Variants in LRRC4C observed in about 807,000 individuals in gnomAD.
LRRC4C encodes leucine rich repeat containing 4C, also known as leucine-rich repeat-containing protein 4C.
A neutral mutation model predicts 33.6 loss-of-function variants in LRRC4C; 5 were observed. The observed-to-expected ratio is 0.15, with a 90% CI of 0.08 to 0.31. LRRC4C has a LOEUF of 0.31. LRRC4C is among the 10% of genes least tolerant of loss of function. The pLI, the probability that LRRC4C is intolerant of heterozygous loss-of-function variation, is 1.00. For missense variants in LRRC4C, 560 were observed against 796.7 expected, an observed-to-expected ratio of 0.70 and a Z score of 3.58; for synonymous variants, 329 against 302.0, an observed-to-expected ratio of 1.09 and a Z score of -0.93.
At chr11:40,746,985 A>G (rs1304933524) in intron 2 of LRRC4C, among the ~76,000 whole-genome samples, 1 of 152,152 alleles carries the variant, frequency 6.6e-6, no homozygotes, top group African/African-American at 2.4e-5. Flanking sequence ...CCTTCCCTTT[A>G]GCCTGGCCAT....
chr11:40,808,914 T>C (rs1040801526), intron 2 of LRRC4C, among the ~76,000 whole-genome samples: 2 of 152,134 alleles, frequency 1.3e-5, no homozygotes, highest in South Asian at 2.1e-4. Context: ...TTTGTCTGTA[T>C]ACCTAATGCC....
At position 40,738,649 on chromosome 11, in the gene LRRC4C, C is replaced by G. The variant is rs912681632; in HGVS notation, c.-406-90371G>C. 2.6e-5 allele frequency among the ~76,000 whole-genome samples: 4 copies of G among 151,976 alleles called. No homozygotes were observed. In the South Asian group the frequency reaches 8.3e-4, roughly 32 times the overall value. ...TGGAGACACAAAACTTTAGCTCTCCCCAAAGTCTTTTAAAATGAAGATAAA... is the reference window on the plus strand; with the variant it reads ...TGGAGACACAAAACTTTAGCTCTCCGCAAAGTCTTTTAAAATGAAGATAAA... On this transcript the variant is annotated intron_variant, in intron 2 of 6. Transcript: ENST00000528697.
chr11:41,028,136 C>A (rs1856498820), intron 1 of LRRC4C, among the ~76,000 whole-genome samples: 1 of 151,414 alleles, frequency 6.6e-6, no homozygotes, highest in South Asian at 2.1e-4. Flanking sequence ...CTAGAAATGT[C>A]ATTCTTTAAA....
chr11:40,803,694 C>T (rs113780530), intron 2 of LRRC4C, among the ~76,000 whole-genome samples: 5 of 152,064 alleles, frequency 3.3e-5, no homozygotes, highest in African/African-American at 7.2e-5. Flanking sequence ...AGGATGGTCT[C>T]GATCTCCTGA....
intron 2 of LRRC4C, among the ~76,000 whole-genome samples, chr11:40,736,801 T>A (rs983300095): frequency 1.4e-4 from 22 of 152,096 alleles, no homozygotes; most frequent in African/African-American, 5.3e-4. Context: ...GTTGGCCACA[T>A]AAATGTCATC....
chr11:40,440,483 T>C (rs1246358089), intron 3 of LRRC4C, among the ~76,000 whole-genome samples: 3 of 152,084 alleles, frequency 2.0e-5, no homozygotes, highest in Non-Finnish European at 4.4e-5. Flanking sequence ...CAAGATAATA[T>C]TCCAACTTTG....
At chr11:41,107,319 T>C (rs370478573) in intron 1 of LRRC4C, among the ~76,000 whole-genome samples, 7 of 152,214 alleles carry the variant, frequency 4.6e-5, no homozygotes, top group African/African-American at 1.2e-4. Flanking sequence ...AGAGTTTTGC[T>C]ATTGATCTTT....
At chr11:40,536,147 G>A (rs1956461908) in intron 3 of LRRC4C, among the ~76,000 whole-genome samples, 1 of 152,052 alleles carries the variant, frequency 6.6e-6, no homozygotes, top group Non-Finnish European at 1.5e-5. Flanking sequence ...CTCTTCCCTA[G>A]AATTCATAAA....
At chr11:40,785,897 T>C (rs1950391729) in intron 2 of LRRC4C, among the ~76,000 whole-genome samples, 1 of 135,762 alleles carries the variant, frequency 7.4e-6, no homozygotes, top group Admixed American at 6.9e-5. Context: ...GAACAGTAGA[T>C]ATTGTTGGAA....
At chr11:41,254,109 G>A (rs1350200274) in intron 1 of LRRC4C, among the ~76,000 whole-genome samples, 1 of 151,980 alleles carries the variant, frequency 6.6e-6, no homozygotes, top group Non-Finnish European at 1.5e-5. Context: ...TATAAGGAAA[G>A]AAATTAATAT....
At chr11:41,037,329 T>G (rs1857141028) in intron 1 of LRRC4C, among the ~76,000 whole-genome samples, 1 of 151,906 alleles carries the variant, frequency 6.6e-6, no homozygotes, top group South Asian at 2.1e-4. Flanking sequence ...TTGATCAAAT[T>G]TTCTTATTTA....
At chr11:40,375,549 C>T (rs777139300) in intron 3 of LRRC4C, among the ~76,000 whole-genome samples, 3 of 152,120 alleles carry the variant, frequency 2.0e-5, no homozygotes, top group Non-Finnish European at 4.4e-5. Context: ...CATTTTGTGG[C>T]ATACCACCAG....
At chr11:40,311,447 C>A (rs1945300615) in intron 4 of LRRC4C, among the ~76,000 whole-genome samples, 1 of 152,118 alleles carries the variant, frequency 6.6e-6, no homozygotes, top group African/African-American at 2.4e-5. Flanking sequence ...AGGACAATGA[C>A]AACATTGAAA....
chr11:40,393,893 A>G (rs1949435277), intron 3 of LRRC4C, among the ~76,000 whole-genome samples: 1 of 152,166 alleles, frequency 6.6e-6, no homozygotes, highest in South Asian at 2.1e-4. Flanking sequence ...TGTTATTTCT[A>G]TACAGACACA....
At chr11:41,305,031 G>C (rs1462228354) in intron 1 of LRRC4C, among the ~76,000 whole-genome samples, 2 of 36,606 alleles carry the variant, frequency 5.5e-5, no homozygotes, top group African/African-American at 1.8e-4. Context: ...CAGCCGCCCC[G>C]TCCGGGAGGG....
At chr11:40,536,891 A>G (rs1179267399) in intron 3 of LRRC4C, among the ~76,000 whole-genome samples, 1 of 152,136 alleles carries the variant, frequency 6.6e-6, no homozygotes, top group Non-Finnish European at 1.5e-5. Context: ...AGCATACCAC[A>G]TATTCTACCT....
At chr11:40,909,875 A>C (rs1956589461) in intron 2 of LRRC4C, among the ~76,000 whole-genome samples, 1 of 152,184 alleles carries the variant, frequency 6.6e-6, no homozygotes, top group Admixed American at 6.5e-5. Flanking sequence ...TTGAAAGGCA[A>C]CGCTTGAATA....
At chr11:41,140,191 G>C (rs576557473) in intron 1 of LRRC4C, among the ~76,000 whole-genome samples, 2 of 152,118 alleles carry the variant, frequency 1.3e-5, no homozygotes, top group Non-Finnish European at 2.9e-5. Context: ...AGATGACAAT[G>C]TTGAAATTTA....
intron 1 of LRRC4C, among the ~76,000 whole-genome samples, chr11:41,150,389 C>T (rs903105748): frequency 2.6e-5 from 4 of 152,306 alleles, no homozygotes; most frequent in South Asian, 4.1e-4. Flanking sequence ...TGGTGCTCAA[C>T]AGTATTCCAA....
Sources: allele counts gnomAD v4.1 joint callset (sites outside exome capture counted in the v4.1 genomes callset), GRCh38; gene constraint gnomAD v4.1.1; transcripts MANE v1.5; gene names NCBI Gene and HGNC (gene_info 2026-07-23, HGNC 2026-07-21).